ADAMTSL4: variants seen among roughly 807,000 people sequenced by gnomAD.
The protein encoded by ADAMTSL4 is ADAMTS-like protein 4.
In ADAMTSL4, 97 loss-of-function variants were observed where a neutral mutation model predicts 122.8. The observed-to-expected ratio is 0.79, with a 90% CI of 0.67 to 0.93. ADAMTSL4 has a LOEUF of 0.93. ADAMTSL4 is among the 40% of genes least tolerant of loss of function. ADAMTSL4 has a pLI of 0.00. For synonymous variants in ADAMTSL4, 592 were observed against 568.0 expected, an observed-to-expected ratio of 1.04 and a Z score of -0.60; for missense variants, 1,408 against 1,453.5, an observed-to-expected ratio of 0.97 and a Z score of 0.51.
chr1:150,556,260 C>T lies in ADAMTSL4; in HGVS notation c.1470C>T (p.Asn490=). 1 of 1,614,138 alleles carries T rather than the reference C, an allele frequency of 6.2e-7. No homozygotes were observed. Among genetic ancestry groups the T allele is most frequent in the Non-Finnish European group, 8.5e-7 (1 of 1,180,030 alleles). ...DDSTCRLVSG[N]LTDRGGPLGY... ...CTACCTGTCGCCTTGTTTCGGGGAA[C>T]CTCACTGACCGAGGGGGCCCCCTGG... The change falls in exon 9 of 19, where the codon AAC becomes AAT. Residue 490 remains asparagine, a synonymous_variant. Transcript: ENST00000271643. The surrounding 1 kb of genome is among the most constrained non-coding windows in gnomAD (Gnocchi z 4.1).
chr1:150,559,629 T>C lies in ADAMTSL4; in HGVS notation c.2944-132T>C. The C allele has an allele frequency of 6.4e-7, 1 of 1,560,786 alleles. No homozygotes were observed. Among genetic ancestry groups the C allele is most frequent in the Non-Finnish European group, 8.7e-7 (1 of 1,145,938 alleles). Reference sequence around the variant, plus strand: ...ATAGACTTGGAGGAAAGATGGGCCCTCTCCATTTGGGATTTCACAATGTCC... The same window carrying C: ...ATAGACTTGGAGGAAAGATGGGCCCCCTCCATTTGGGATTTCACAATGTCC... On this transcript the variant is annotated intron_variant, in intron 17 of 18. Coordinates refer to ENST00000271643, the MANE Select transcript of ADAMTSL4 (RefSeq NM_019032.6). The surrounding 1 kb of genome is among the most constrained non-coding windows in gnomAD (Gnocchi z 4.1).
chr1:150,552,348 G>A lies in ADAMTSL4; in HGVS notation c.20+40G>A. On this transcript the variant is annotated intron_variant, in intron 3 of 18. Transcript: ENST00000271643. This position sits in a 1 kb window ranked among gnomAD's most constrained non-coding sequence, Gnocchi z 4.0. ...CACGGGTTGGGGGGGAGGAAAAGGG[G>A]AGGTGCTGGGATGGCTCTGTGTCTG... The A allele has an allele frequency of 1.3e-6, 2 of 1,550,702 alleles. No homozygotes were observed. The highest frequency in any genetic ancestry group is 1.7e-6 in the Non-Finnish European group (2 of 1,144,474).
rs761772078 is a variant in ADAMTSL4, at chr1:150,552,985, T to C, written c.166T>C (p.Cys56Arg). ...GGGACCTTGGGTCCAGTGGGCCTCTTGCTCCCAGCCCTGCGGGGTGGGGGT... is the reference window on the plus strand; with the variant it reads ...GGGACCTTGGGTCCAGTGGGCCTCTCGCTCCCAGCCCTGCGGGGTGGGGGT... ...VWGPWVQWAS[C>R]SQPCGVGVQR... The change falls in exon 5 of 19, where the codon TGC becomes CGC. Residue 56 changes from cysteine (C) to arginine (R), a missense_variant. Cys to Arg is a radical substitution (Grantham distance 180). Coordinates refer to ENST00000271643, the MANE Select transcript of ADAMTSL4 (RefSeq NM_019032.6). The surrounding 1 kb of genome is among the most constrained non-coding windows in gnomAD (Gnocchi z 4.0). The C allele has an allele frequency of 2.5e-6, 4 of 1,613,256 alleles. No individual in the cohort carries two copies. The highest frequency in any genetic ancestry group is 1.1e-5 in the South Asian group (1 of 91,086).
rs922505027 is a variant in ADAMTSL4 at position 150,555,682 on chromosome 1, TACAC to T, written c.1371+122_1371+125del. The T allele has an allele frequency of 1.3e-4, 183 of 1,426,398 alleles. 1 individual carries two copies. Among genetic ancestry groups the T allele is most frequent in the Middle Eastern group, 6.4e-4 (3 of 4,704 alleles). 88.4% of individuals were successfully genotyped at this position (1,426,398 alleles called of 1,614,324 possible). ...GAACACATGCACACATGCAAGCACA[TACAC>T]ACACGCATATGCGCACAGACACATG... On this transcript the variant is annotated intron_variant, in intron 8 of 18. Coordinates refer to ENST00000271643, the MANE Select transcript of ADAMTSL4 (RefSeq NM_019032.6).
Position 150,559,922 on chromosome 1 carries a change from C to T in ADAMTSL4, c.3088+17C>T. Reference sequence around the variant, plus strand: ...AGCGCCCTGGTAAAGAGCCCCCTCTCCCCAATCCCCAATACAGTGGATTAG... The same window carrying T: ...AGCGCCCTGGTAAAGAGCCCCCTCTTCCCAATCCCCAATACAGTGGATTAG... On this transcript the variant is annotated intron_variant, in intron 18 of 18. Coordinates refer to ENST00000271643, the MANE Select transcript of ADAMTSL4 (RefSeq NM_019032.6). The surrounding 1 kb of genome is among the most constrained non-coding windows in gnomAD (Gnocchi z 4.1). The T allele has an allele frequency of 1.2e-6, 2 of 1,613,758 alleles. No homozygotes were observed. Among genetic ancestry groups the T allele is most frequent in the South Asian group, 2.2e-5 (2 of 91,086 alleles).
chr1:150,560,038 C>T, intron 18 of ADAMTSL4, 22 bp from the exon 19 acceptor site: 1 of 1,614,082 alleles, frequency 6.2e-7, no homozygotes. Context: ...CTCTTGTGCC[C>T]ACTGGCCTCC....
chr1:150,557,688 C>G, intron 13 of ADAMTSL4, 65 bp downstream of exon 13: 1 of 1,530,478 alleles, frequency 6.5e-7, no homozygotes, highest in Non-Finnish European at 8.8e-7. Flanking sequence ...CCCCCAGAAT[C>G]TTACCTGAAC....
Position 150,556,673 on chromosome 1 carries a change from T to A in ADAMTSL4, c.1629T>A (p.Asp543Glu). The A allele has an allele frequency of 6.2e-7, 1 of 1,613,772 alleles. No homozygotes were observed. Among genetic ancestry groups the A allele is most frequent in the East Asian group, 2.2e-5 (1 of 44,840 alleles). ...RSIINGNWAVDPPGSYRAGGT... is the reference protein window; with the variant it reads ...RSIINGNWAVEPPGSYRAGGT... Reference sequence around the variant, plus strand: ...TCATCAATGGGAACTGGGCTGTGGATCCCCCTGGGTCCTACAGGGCCGGCG... The same window carrying A: ...TCATCAATGGGAACTGGGCTGTGGAACCCCCTGGGTCCTACAGGGCCGGCG... Residue 543 changes from aspartate (D) to glutamate (E), a missense_variant, in exon 10 of 19, where the codon GAT becomes GAA. By Grantham distance (45) the Asp-to-Glu change is conservative. Transcript: ENST00000271643. The surrounding 1 kb of genome is among the most constrained non-coding windows in gnomAD (Gnocchi z 4.1).
rs145639662 is a variant in ADAMTSL4 at position 150,554,375 on chromosome 1, C to G, written c.1142C>G (p.Pro381Arg). The change falls in exon 7 of 19, where the codon CCT becomes CGT. Residue 381 changes from proline to arginine, a missense_variant. Coordinates refer to ENST00000271643, the MANE Select transcript of ADAMTSL4 (RefSeq NM_019032.6). This position sits in a 1 kb window ranked among gnomAD's most constrained non-coding sequence, Gnocchi z 4.0. ...LRACSQAPCP[P>R]EQPDPRALQC... is the part of the protein sequence containing the mutation. ...TACCCCTCACCGCAGCCCTGCCCCC[C>G]TGAGCAGCCAGACCCCCGGGCCCTG... 684 of 1,613,210 alleles carry G rather than the reference C, an allele frequency of 4.2e-4. No individual in the cohort carries two copies. The highest frequency in any genetic ancestry group is 5.4e-4 in the Non-Finnish European group (640 of 1,179,986).
chr1:150,557,234 C>G lies in ADAMTSL4; in HGVS notation c.1946C>G (p.Pro649Arg). The change falls in exon 12 of 19, where the codon CCC (proline) becomes CGC (arginine). Residue 649 changes from proline (P) to arginine (R), a missense_variant. Coordinates refer to ENST00000271643, the MANE Select transcript of ADAMTSL4 (RefSeq NM_019032.6). Reference sequence around the variant, plus strand: ...ACCCTCCAGCGTCAGGTGCGGATCCCCCAGATGCCCGCCCCGCCCCATCCC... The same window carrying G: ...ACCCTCCAGCGTCAGGTGCGGATCCGCCAGATGCCCGCCCCGCCCCATCCC... The part of the protein sequence containing the change: ...PGTLQRQVRI[P>R]QMPAPPHPRT... 1 of 1,611,518 alleles carries G rather than the reference C, an allele frequency of 6.2e-7. No individual in the cohort carries two copies.
In ADAMTSL4 at chr1:150,556,365, G is replaced by A. The variant is rs779480061; in HGVS notation, c.1575G>A (p.Leu525=). Residue 525 remains leucine (L), a splice_region_variant and synonymous_variant, in exon 9 of 19, where the codon CTG becomes CTA. Coordinates refer to ENST00000271643, the MANE Select transcript of ADAMTSL4 (RefSeq NM_019032.6). The surrounding 1 kb of genome is among the most constrained non-coding windows in gnomAD (Gnocchi z 4.1). ...IAQLRPSSNY[L]ALRGPGGRSI... ...AGCTCCGGCCTAGCTCCAACTACCT[G>A]GGTGAGCACCCAGCTGCCTCCCCTT... 3 of 1,613,934 alleles carry A rather than the reference G, an allele frequency of 1.9e-6. No homozygotes were observed. Among genetic ancestry groups the A allele is most frequent in the Non-Finnish European group, 2.5e-6 (3 of 1,180,006 alleles).
intron 13 of ADAMTSL4, 84 bp downstream of exon 13, chr1:150,557,707 C>A: frequency 6.9e-7 from 1 of 1,459,240 alleles, no homozygotes; most frequent in Non-Finnish European, 9.3e-7. Flanking sequence ...ACTCTGCACT[C>A]AACGCAACAT....
chr1:150,559,368 TCTC>T lies in ADAMTSL4; in HGVS notation c.2847_2849del (p.Pro950del). 1 of 1,613,854 alleles carries T rather than the reference TCTC, an allele frequency of 6.2e-7. No individual in the cohort carries two copies. The highest frequency in any genetic ancestry group is 8.5e-7 in the Non-Finnish European group (1 of 1,179,990). On this transcript the variant is annotated inframe_deletion, in exon 17 of 19. Coordinates refer to ENST00000271643, the MANE Select transcript of ADAMTSL4 (RefSeq NM_019032.6). This position sits in a 1 kb window ranked among gnomAD's most constrained non-coding sequence, Gnocchi z 4.1. ...ACTGGGGACGGAGTTCAACGTGACTTCTCCGAGCAACTGTTCTCACCTCCCCAG... is the reference window on the plus strand; with the variant it reads ...ACTGGGGACGGAGTTCAACGTGACTTCGAGCAACTGTTCTCACCTCCCCAG...
chr1:150,550,394 C>T (rs587747310), intron 2 of ADAMTSL4: 35 of 442,682 alleles, frequency 7.9e-5, no homozygotes, highest in African/African-American at 6.6e-4. Flanking sequence ...CTGGCCCGGG[C>T]CCCGGGAGCT....
rs201877614 is a variant in ADAMTSL4 at position 150,555,477 on chromosome 1, G to A, written c.1283G>A (p.Arg428His). ...CELNCRPRGFRFYVRHTEKVQ... is the reference protein window; with the variant it reads ...CELNCRPRGFHFYVRHTEKVQ... ...CTGAACTGCCGGCCCCGTGGCTTCC[G>A]CTTCTATGTCCGTCACACTGAAAAG... The change falls in exon 8 of 19, where the codon CGC (arginine) becomes CAC (histidine). Residue 428 changes from arginine to histidine, a missense_variant. By Grantham distance (29) the Arg-to-His change is conservative (BLOSUM62 0). Transcript: ENST00000271643. The A allele has an allele frequency of 8.2e-5, 133 of 1,614,148 alleles. 1 individual carries two copies. The African/African-American group carries it at 1.2e-3, about 15-fold the overall frequency.
At chr1:150,555,619 ATGCCCC>A in intron 8 of ADAMTSL4, 54 bp downstream of exon 8, 3 of 1,601,756 alleles carry the variant, frequency 1.9e-6, no homozygotes, top group Middle Eastern at 1.7e-4. Flanking sequence ...ACACAGACAC[ATGCCCC>A]CATATGCATA....
chr1:150,556,992 A>T lies in ADAMTSL4; in HGVS notation c.1803A>T (p.Ser601=). The T allele has an allele frequency of 6.2e-7, 1 of 1,613,682 alleles. No individual in the cohort carries two copies. The highest frequency in any genetic ancestry group is 8.5e-7 in the Non-Finnish European group (1 of 1,179,920). ...TTTTTTATCAGTATGTCATCTCTTC[A>T]CCTCCTCCAATCCTTGAGAACCCCA... ...PGVFYQYVIS[S]PPPILENPTP... The change falls in exon 11 of 19, where the codon TCA becomes TCT. Residue 601 remains serine (S), a synonymous_variant. Transcript: ENST00000271643. The surrounding 1 kb of genome is among the most constrained non-coding windows in gnomAD (Gnocchi z 4.1).
At chr1:150,550,394 C>A in intron 2 of ADAMTSL4, 1 of 442,682 alleles carries the variant, frequency 2.3e-6, no homozygotes, top group South Asian at 1.6e-5. Context: ...CTGGCCCGGG[C>A]CCCGGGAGCT....
Position 150,556,241 on chromosome 1 carries a change from G to A in ADAMTSL4, c.1451G>A (p.Cys484Tyr). The change falls in exon 9 of 19, where the codon TGT (cysteine) becomes TAT (tyrosine). Residue 484 changes from cysteine (C) to tyrosine (Y), a missense_variant. Coordinates refer to ENST00000271643, the MANE Select transcript of ADAMTSL4 (RefSeq NM_019032.6). This position sits in a 1 kb window ranked among gnomAD's most constrained non-coding sequence, Gnocchi z 4.1. ...CGVCGGDDSTCRLVSGNLTDR... is the reference protein window; with the variant it reads ...CGVCGGDDSTYRLVSGNLTDR... ...GTCTGTGGGGGTGATGATTCTACCT[G>A]TCGCCTTGTTTCGGGGAACCTCACT... The A allele has an allele frequency of 6.2e-7, 1 of 1,614,188 alleles. No homozygotes were observed. Among genetic ancestry groups the A allele is most frequent in the Non-Finnish European group, 8.5e-7 (1 of 1,180,032 alleles).
Sources: allele counts gnomAD v4.1 joint callset, GRCh38; gene constraint gnomAD v4.1.1; non-coding constraint Gnocchi (gnomAD v3.1); transcripts MANE v1.5; gene names NCBI Gene and HGNC (gene_info 2026-07-23, HGNC 2026-07-21).